RSRC1: variants seen among roughly 807,000 people sequenced by gnomAD.
RSRC1 encodes the protein serine/Arginine-related protein 53.
Under a neutral mutation model 49.1 loss-of-function variants are expected in RSRC1, and 39 were observed. That is an observed-to-expected ratio of 0.79 (90% CI 0.61 to 1.04). RSRC1 has a LOEUF of 1.04. RSRC1 is among the 50% of genes least tolerant of loss of function. RSRC1 has a pLI of 0.00. For missense variants in RSRC1, 388 were observed against 402.4 expected, an observed-to-expected ratio of 0.96 and a Z score of 0.31; for synonymous variants, 143 against 130.8, an observed-to-expected ratio of 1.09 and a Z score of -0.63.
chr3:158,529,866 C>G (rs1477523020), intron 7 of RSRC1, among the ~76,000 whole-genome samples: 1 of 151,900 alleles, frequency 6.6e-6, no homozygotes, highest in African/African-American at 2.4e-5. Context: ...GTCACTGAAG[C>G]CTGGGTAACC....
chr3:158,112,706 A>G (rs1304386859), intron 1 of RSRC1, among the ~76,000 whole-genome samples: 4 of 152,120 alleles, frequency 2.6e-5, no homozygotes, highest in Non-Finnish European at 4.4e-5. Context: ...GTGGAGGTTT[A>G]TTACATAAGT....
intron 7 of RSRC1, among the ~76,000 whole-genome samples, chr3:158,529,236 C>T (rs931845298): frequency 4.0e-5 from 5 of 126,360 alleles, no homozygotes; most frequent in African/African-American, 1.4e-4. Context: ...ATATATATAT[C>T]CTACAAATAA....
intron 9 of RSRC1, 125 bp from the exon 10 acceptor site, chr3:158,544,058 G>A: frequency 1.6e-6 from 1 of 641,758 alleles, no homozygotes; most frequent in Non-Finnish European, 2.7e-6. Flanking sequence ...AGGTCATCAA[G>A]AGTTAAACAG....
intron 4 of RSRC1, among the ~76,000 whole-genome samples, chr3:158,255,670 G>A (rs555620391): frequency 6.6e-6 from 1 of 150,624 alleles, no homozygotes; most frequent in African/African-American, 2.4e-5. Flanking sequence ...TGGCCATTTT[G>A]ATTCTTCCTG....
intron 6 of RSRC1, among the ~76,000 whole-genome samples, chr3:158,364,215 C>T (rs1731634244): frequency 6.6e-6 from 1 of 151,924 alleles, no homozygotes; most frequent in South Asian, 2.1e-4. Context: ...GTACTGTTTC[C>T]GGGGAGCATA....
In RSRC1 at chr3:158,122,282, C is replaced by T; in HGVS notation, c.178C>T (p.His60Tyr). The T allele has an allele frequency of 6.3e-7, 1 of 1,578,210 alleles. No individual in the cohort carries two copies. The highest frequency in any genetic ancestry group is 1.2e-5 in the South Asian group (1 of 85,780). The change falls in exon 2 of 10, where the codon CAT (histidine) becomes TAT (tyrosine). Residue 60 changes from histidine to tyrosine, a missense_variant. His to Tyr is a moderately conservative substitution (Grantham distance 83, BLOSUM62 2). Coordinates refer to ENST00000611884, the MANE Select transcript of RSRC1 (RefSeq NM_001271838.2). The stretch of plus-strand genomic sequence containing the variant: ...GTCCAGAGATCTTCAGCCTCGTTCA[C>T]ATTCTTATGATAGAAGGTGATTTTT... Reference protein sequence around the residue: ...SWSRDLQPRSHSYDRRRRHRS... With the variant: ...SWSRDLQPRSYSYDRRRRHRS...
chr3:158,365,225 G>C (rs62289506), intron 6 of RSRC1, among the ~76,000 whole-genome samples: 2 of 152,028 alleles, frequency 1.3e-5, no homozygotes. Flanking sequence ...AGGTATACAC[G>C]TGCCATGGTG....
At chr3:158,254,808 C>G (rs1237090063) in intron 4 of RSRC1, among the ~76,000 whole-genome samples, 3 of 152,116 alleles carry the variant, frequency 2.0e-5, no homozygotes, top group African/African-American at 7.2e-5. Flanking sequence ...TTGCATTTCT[C>G]TGATGACCAG....
At chr3:158,503,240 A>G (rs1739688708) in intron 7 of RSRC1, among the ~76,000 whole-genome samples, 1 of 152,126 alleles carries the variant, frequency 6.6e-6, no homozygotes, top group African/African-American at 2.4e-5. Flanking sequence ...GATGTAAATC[A>G]TCTATGGGTC....
intron 7 of RSRC1, among the ~76,000 whole-genome samples, chr3:158,507,293 G>A (rs2108468098): frequency 6.6e-6 from 1 of 151,966 alleles, no homozygotes; most frequent in Admixed American, 6.6e-5. Context: ...ACAGATGGAA[G>A]AAATAAGTTT....
chr3:158,230,930 C>CCGT (rs1722910889), intron 4 of RSRC1, among the ~76,000 whole-genome samples: 1 of 152,088 alleles, frequency 6.6e-6, no homozygotes, highest in South Asian at 2.1e-4. Flanking sequence ...GAAGGACTGT[C>CCGT]ACACGTCCTT....
intron 7 of RSRC1, among the ~76,000 whole-genome samples, chr3:158,534,547 G>A (rs1444421986): frequency 6.6e-6 from 1 of 151,484 alleles, no homozygotes; most frequent in Non-Finnish European, 1.5e-5. Context: ...AATTTAAACA[G>A]CAAGGGTGTA....
chr3:158,133,101 G>T (rs1716143657), intron 3 of RSRC1, among the ~76,000 whole-genome samples: 1 of 152,082 alleles, frequency 6.6e-6, no homozygotes, highest in Admixed American at 6.5e-5. Flanking sequence ...TGTATTGAAT[G>T]TCCCTTTCAT....
intron 5 of RSRC1, among the ~76,000 whole-genome samples, chr3:158,317,090 A>T (rs1728507484): frequency 6.6e-6 from 1 of 152,214 alleles, no homozygotes; most frequent in South Asian, 2.1e-4. Context: ...TGAATACATT[A>T]AAAGCAAACC....
intron 3 of RSRC1, among the ~76,000 whole-genome samples, chr3:158,160,619 A>G (rs2108224789): frequency 6.6e-6 from 1 of 152,304 alleles, no homozygotes; most frequent in Admixed American, 6.5e-5. Flanking sequence ...TTCTGATATA[A>G]AAATAACTAC....
chr3:158,124,743 G>A (rs1715505683), intron 3 of RSRC1, among the ~76,000 whole-genome samples: 1 of 151,272 alleles, frequency 6.6e-6, no homozygotes, highest in South Asian at 2.1e-4. Context: ...AATGTTTGTG[G>A]CATCAACTGT....
chr3:158,465,633 A>G (rs1737848919), intron 7 of RSRC1, among the ~76,000 whole-genome samples: 2 of 152,182 alleles, frequency 1.3e-5, no homozygotes, highest in African/African-American at 4.8e-5. Flanking sequence ...TTGGCTACTC[A>G]TTGTAATATG....
chr3:158,408,681 T>C (rs1383706796), intron 6 of RSRC1, among the ~76,000 whole-genome samples: 2 of 152,160 alleles, frequency 1.3e-5, no homozygotes, highest in East Asian at 3.9e-4. Flanking sequence ...TGGAGACCAT[T>C]ATCCTTAGCA....
chr3:158,537,546 T>C (rs182923974), intron 8 of RSRC1, among the ~76,000 whole-genome samples: 26 of 151,724 alleles, frequency 1.7e-4, no homozygotes, highest in African/African-American at 5.8e-4. Flanking sequence ...TGAATTGACA[T>C]TGCTAGAGAA....
Sources: gnomAD v4.1 joint callset for allele counts (sites outside exome capture counted in the v4.1 genomes callset) on GRCh38, gnomAD v4.1.1 for gene constraint, MANE v1.5 for transcripts, NCBI Gene and HGNC (gene_info 2026-07-23, HGNC 2026-07-21) for gene names.